Variants in PCMTD1 observed in about 807,000 individuals in gnomAD.
The protein encoded by PCMTD1 is protein-L-isoaspartate O-methyltransferase domain-containing protein 1.
PCMTD1 carries 12 observed loss-of-function variants against 37.6 expected under a neutral mutation model. That is an observed-to-expected ratio of 0.32 (90% CI 0.20 to 0.52). PCMTD1 has a LOEUF of 0.52. Among genes scored for constraint, PCMTD1 ranks in the 20% least tolerant of loss-of-function variants. The probability of loss-of-function intolerance (pLI) is 0.97; values close to 1 mark genes in which losing one functional copy is unlikely to be tolerated. For missense variants in PCMTD1, 235 were observed against 421.3 expected, an observed-to-expected ratio of 0.56 and a Z score of 3.87; for synonymous variants, 117 against 135.8, an observed-to-expected ratio of 0.86 and a Z score of 0.96.
chr8:51,878,114 G>C (rs751586690), intron 1 of PCMTD1, among the ~76,000 whole-genome samples: 1 of 152,192 alleles, frequency 6.6e-6, no homozygotes, highest in Non-Finnish European at 1.5e-5. Flanking sequence ...GTAAGCCATT[G>C]TGACTCTAAG....
intron 2 of PCMTD1, among the ~76,000 whole-genome samples, chr8:51,855,293 C>T (rs1242209018): frequency 6.7e-6 from 1 of 148,560 alleles, no homozygotes; most frequent in Non-Finnish European, 1.5e-5. Context: ...TTTGGGAGGC[C>T]AAAGTGGGCA....
chr8:51,832,827 T>G (rs560915592), intron 4 of PCMTD1, among the ~76,000 whole-genome samples: 132 of 152,298 alleles, frequency 8.7e-4, no homozygotes, highest in African/African-American at 3.0e-3. Context: ...GTTAAGTAGT[T>G]CAAAATCAAA....
In PCMTD1 at chr8:51,860,978, A is replaced by G; in HGVS notation, c.174T>C (p.His58=). The change falls in exon 2 of 6, where the codon CAT becomes CAC. Residue 58 remains histidine (H), a synonymous_variant. Coordinates refer to ENST00000522514, the MANE Select transcript of PCMTD1 (RefSeq NM_052937.4). ...DNAYKDLAWK[H]GNIHLSAPCI... is the part of the protein sequence containing the mutation. ...AAGGTGCTGACAAGTGGATGTTTCC[A>G]TGCTTCCAGGCTAAGTCTTTGTAAG... 6.2e-7 allele frequency: 1 copy of G among 1,614,158 alleles called. No homozygotes were observed. Among genetic ancestry groups the G allele is most frequent in the South Asian group, 1.1e-5 (1 of 91,076 alleles).
At chr8:51,830,404 C>T (rs1306478779) in intron 5 of PCMTD1, among the ~76,000 whole-genome samples, 3 of 152,194 alleles carry the variant, frequency 2.0e-5, no homozygotes, top group African/African-American at 4.8e-5. Flanking sequence ...CCTTTCTATG[C>T]CTATTTCCAA....
chr8:51,859,003 T>C (rs1298068951), intron 2 of PCMTD1, among the ~76,000 whole-genome samples: 4 of 152,146 alleles, frequency 2.6e-5, no homozygotes. Flanking sequence ...ACTAAGGTAA[T>C]GAGTCTAAGA....
chr8:51,827,164 A>G, intron 5 of PCMTD1: 1 of 1,048,670 alleles, frequency 9.5e-7, no homozygotes, highest in South Asian at 2.7e-5. Flanking sequence ...ATCAATTTTC[A>G]AAACTATTTT....
In PCMTD1 at chr8:51,820,120, C is replaced by A. The variant is rs889963464; in HGVS notation, c.*231G>T. 9.1e-6 allele frequency: 3 copies of A among 328,936 alleles called. No individual in the cohort carries two copies. Among genetic ancestry groups the A allele is most frequent in the Non-Finnish European group, 1.6e-5 (3 of 184,906 alleles). The allele number at this position is 328,936 out of a possible 1,614,324, so 20.4% of individuals were successfully genotyped here. On this transcript the variant is annotated 3_prime_UTR_variant, in exon 6 of 6. Transcript: ENST00000522514. ...CTACTGTTGCATTCCACTTTGAAATCACTCTGAGCTAAAACAACATTTTTC... is the reference window on the plus strand; with the variant it reads ...CTACTGTTGCATTCCACTTTGAAATAACTCTGAGCTAAAACAACATTTTTC...
At chr8:51,844,514 TC>T (rs1387327303) in intron 3 of PCMTD1, among the ~76,000 whole-genome samples, 1 of 152,110 alleles carries the variant, frequency 6.6e-6, no homozygotes, top group African/African-American at 2.4e-5. Flanking sequence ...AGGATTTTGC[TC>T]CATTACATCA....
At chr8:51,855,018 T>C (rs539616481) in intron 2 of PCMTD1, among the ~76,000 whole-genome samples, 25 of 137,002 alleles carry the variant, frequency 1.8e-4, no homozygotes, top group Middle Eastern at 5.1e-3. Context: ...CTACTAAAAA[T>C]ACAAAATTAG....
chr8:51,898,493 G>C (rs1452626034), intron 1 of PCMTD1, among the ~76,000 whole-genome samples: 2 of 152,012 alleles, frequency 1.3e-5, no homozygotes, highest in Non-Finnish European at 2.9e-5. Flanking sequence ...GAAGTCACTG[G>C]GCGGATCCAA....
At chr8:51,890,458 G>C (rs1398306392) in intron 1 of PCMTD1, among the ~76,000 whole-genome samples, 1 of 152,112 alleles carries the variant, frequency 6.6e-6, no homozygotes, top group Admixed American at 6.5e-5. Context: ...ATGAAAACAT[G>C]AAAATTTAGA....
chr8:51,863,692 C>T (rs1357946123), intron 1 of PCMTD1, among the ~76,000 whole-genome samples: 1 of 152,134 alleles, frequency 6.6e-6, no homozygotes, highest in Admixed American at 6.5e-5. Flanking sequence ...GAGGTCGAGG[C>T]GGGCAGATCA....
Position 51,833,523 on chromosome 8 carries a change from C to T in PCMTD1, c.577G>A (p.Asp193Asn). 6.2e-7 allele frequency: 1 copy of T among 1,605,358 alleles called. No individual in the cohort carries two copies. The change falls in exon 4 of 6, where the codon GAT (aspartate) becomes AAT (asparagine). Residue 193 changes from aspartate (D) to asparagine (N), a missense_variant. Around this residue, in one of 3 missense-constraint regions of PCMTD1, gnomAD observed 183 missense variants for 349.3 expected, o/e 0.52. Transcript: ENST00000522514. ...VGGILVMPIE[D>N]QLTQIMRTGQ... ...AAAAGGAGAGTGGAAGTTACCTGAT[C>T]CTCTATAGGCATGACTAATATGCCT...
chr8:51,859,331 C>T (rs2038438219), intron 2 of PCMTD1, among the ~76,000 whole-genome samples: 1 of 151,908 alleles, frequency 6.6e-6, no homozygotes. Context: ...TTCAAAGAAA[C>T]CGGTGATAGA....
intron 2 of PCMTD1, among the ~76,000 whole-genome samples, chr8:51,846,509 C>A (rs1170905236): frequency 6.6e-6 from 1 of 152,182 alleles, no homozygotes; most frequent in Non-Finnish European, 1.5e-5. Flanking sequence ...TGCCCCATGA[C>A]CCACATGAGA....
intron 1 of PCMTD1, among the ~76,000 whole-genome samples, chr8:51,862,357 T>TAC (rs71237254): frequency 6.6e-5 from 10 of 151,674 alleles, no homozygotes; most frequent in African/African-American, 2.4e-4. Flanking sequence ...TTTATACACA[T>TAC]ACACACACAC....
intron 5 of PCMTD1, chr8:51,826,915 T>G: frequency 1.1e-6 from 1 of 880,568 alleles, no homozygotes; most frequent in Non-Finnish European, 1.4e-6. Context: ...TGAATCAAGA[T>G]GAAAAATTAT....
intron 1 of PCMTD1, among the ~76,000 whole-genome samples, chr8:51,871,197 C>A (rs576831930): frequency 9.2e-5 from 14 of 152,078 alleles, no homozygotes; most frequent in African/African-American, 3.4e-4. Flanking sequence ...TAAAGAGGAA[C>A]TAAAGAGAGT....
intron 1 of PCMTD1, among the ~76,000 whole-genome samples, chr8:51,877,095 C>T (rs930952896): frequency 3.9e-5 from 6 of 151,932 alleles, no homozygotes; most frequent in African/African-American, 1.5e-4. Context: ...TTCTTGGTGC[C>T]GTTAAGAACT....
Sources: allele counts gnomAD v4.1 joint callset (sites outside exome capture counted in the v4.1 genomes callset), GRCh38; gene constraint gnomAD v4.1.1; regional missense constraint gnomAD v4.1.1; transcripts MANE v1.5; gene names NCBI Gene and HGNC (gene_info 2026-07-23, HGNC 2026-07-21).